The following RAD51C variants were observed in gnomAD, a reference collection of about 807,000 sequenced individuals.
RAD51C encodes RAD51 paralog C.
Under a neutral mutation model 45.0 loss-of-function variants are expected in RAD51C, and 42 were observed. The observed-to-expected ratio is 0.93, with a 90% CI of 0.73 to 1.21. The LOEUF is 1.21. RAD51C is among the 50% of genes most tolerant of loss of function. The probability of loss-of-function intolerance (pLI) is 0.00; values close to 1 mark genes in which losing one functional copy is unlikely to be tolerated. For missense variants in RAD51C, 474 were observed against 452.2 expected, an observed-to-expected ratio of 1.05 and a Z score of -0.44; for synonymous variants, 172 against 159.8, an observed-to-expected ratio of 1.08 and a Z score of -0.58.
At chr17:58,726,039 A>G (rs2049109997) in intron 7 of RAD51C, among the ~76,000 whole-genome samples, 2 of 151,330 alleles carry the variant, frequency 1.3e-5, no homozygotes, top group Admixed American at 1.3e-4. Flanking sequence ...GTACAACACC[A>G]ACACTGAATA....
At chr17:58,698,712 G>A (rs2048106646) in intron 3 of RAD51C, among the ~76,000 whole-genome samples, 1 of 151,352 alleles carries the variant, frequency 6.6e-6, no homozygotes, top group Non-Finnish European at 1.5e-5. Flanking sequence ...GGCCGAGGCG[G>A]GCGGATCACC....
intron 5 of RAD51C, among the ~76,000 whole-genome samples, chr17:58,711,072 G>A (rs1056066497): frequency 3.3e-5 from 5 of 152,116 alleles, no homozygotes; most frequent in African/African-American, 9.7e-5. Flanking sequence ...ATGCTGAAAA[G>A]CATAGTGCCC....
intron 4 of RAD51C, among the ~76,000 whole-genome samples, chr17:58,704,425 A>G (rs1567795298): frequency 6.7e-6 from 1 of 150,058 alleles, no homozygotes; most frequent in African/African-American, 2.4e-5. Context: ...GGCATGCGCC[A>G]CAACGCCTGG....
At chr17:58,702,810 C>A (rs2048254769) in intron 3 of RAD51C, among the ~76,000 whole-genome samples, 1 of 152,070 alleles carries the variant, frequency 6.6e-6, no homozygotes, top group Non-Finnish European at 1.5e-5. Context: ...TTGCAGCGAG[C>A]TATGATTGTG....
In RAD51C at chr17:58,692,894, T is replaced by C. The variant is rs543872977; in HGVS notation, c.145+106T>C. On this transcript the variant is annotated intron_variant, in intron 1 of 8. Transcript: ENST00000337432. ...CAGCCCAGTCTCCGTTAGATTCTGCTTCCTCCCACGTCCATGTTTACAGCG... is the reference window on the plus strand; with the variant it reads ...CAGCCCAGTCTCCGTTAGATTCTGCCTCCTCCCACGTCCATGTTTACAGCG... The C allele has an allele frequency of 2.6e-6, 4 of 1,524,238 alleles. No homozygotes were observed. In the Admixed American group the frequency reaches 5.1e-5, roughly 20 times the overall value. 94.4% of individuals were successfully genotyped at this position (1,524,238 alleles called of 1,614,324 possible).
intron 7 of RAD51C, 61 bp downstream of exon 7, chr17:58,724,161 T>C: frequency 6.7e-7 from 1 of 1,496,084 alleles, no homozygotes; most frequent in Non-Finnish European, 9.3e-7. Context: ...AATGAACACT[T>C]ACAGGTTTCT....
intron 3 of RAD51C, among the ~76,000 whole-genome samples, chr17:58,700,705 G>T (rs767705227): frequency 1.3e-5 from 2 of 152,090 alleles, no homozygotes; most frequent in Non-Finnish European, 1.5e-5. Flanking sequence ...CTCCCAAAGC[G>T]CTGGGATTAC....
At chr17:58,708,089 A>C (rs2048433038) in intron 4 of RAD51C, among the ~76,000 whole-genome samples, 2 of 152,164 alleles carry the variant, frequency 1.3e-5, no homozygotes, top group African/African-American at 4.8e-5. Context: ...TCATGTGTGG[A>C]GTCATGAAAA....
intron 2 of RAD51C, 67 bp downstream of exon 2, chr17:58,695,256 T>G (rs748017037): frequency 5.2e-6 from 8 of 1,530,286 alleles, no homozygotes; most frequent in Non-Finnish European, 6.1e-6. Context: ...TATTTTGTAC[T>G]ATCGTCAGGA....
chr17:58,725,097 C>T (rs304271), intron 7 of RAD51C, among the ~76,000 whole-genome samples: 36,406 of 152,030 alleles, frequency 0.24, 5,263 homozygotes, highest in Middle Eastern at 0.41. Flanking sequence ...ATGGTATTTG[C>T]AAAGAGCTCA....
chr17:58,732,608 A>ATATAATCTCTC, intron 8 of RAD51C, 64 bp downstream of exon 8: 1 of 1,494,092 alleles, frequency 6.7e-7, no homozygotes, highest in Non-Finnish European at 9.3e-7. Context: ...TAAAGAGAGA[A>ATATAATCTCTC]TTTACAACTT....
chr17:58,706,555 A>G (rs1477247377), intron 4 of RAD51C: 1 of 463,752 alleles, frequency 2.2e-6, no homozygotes, highest in East Asian at 7.0e-5. Flanking sequence ...TCTCTCTGCA[A>G]GGGCCCCACC....
At chr17:58,726,403 GTA>G (rs200957536) in intron 7 of RAD51C, among the ~76,000 whole-genome samples, 2 of 143,196 alleles carry the variant, frequency 1.4e-5, no homozygotes, top group African/African-American at 5.3e-5. Flanking sequence ...GTATATATGT[GTA>G]TATATATAGA....
chr17:58,717,467 G>A (rs1422425076), intron 5 of RAD51C, among the ~76,000 whole-genome samples: 1 of 150,356 alleles, frequency 6.7e-6, no homozygotes, highest in Non-Finnish European at 1.5e-5. Context: ...GGCCGGGTGT[G>A]GTGGCTCATG....
rs1173077552 is a variant in RAD51C, at chr17:58,709,837, ATAT to A, written c.706-18_706-16del. The A allele has an allele frequency of 6.3e-7, 1 of 1,589,968 alleles. No individual in the cohort carries two copies. Among genetic ancestry groups the A allele is most frequent in the Middle Eastern group, 1.7e-4 (1 of 6,010 alleles). On this transcript the variant is annotated intron_variant, in intron 4 of 8. Coordinates refer to ENST00000337432, the MANE Select transcript of RAD51C (RefSeq NM_058216.3). ...TATTTTATTTTTCGTAACAAATCTA[ATAT>A]TATCTCTTCTGTATTTAGGTTCGAC...
chr17:58,698,714 C>T (rs886778945), intron 3 of RAD51C, among the ~76,000 whole-genome samples: 5 of 151,152 alleles, frequency 3.3e-5, no homozygotes, highest in Admixed American at 6.6e-5. Flanking sequence ...CCGAGGCGGG[C>T]GGATCACCTG....
chr17:58,707,059 C>T (rs900856798), intron 4 of RAD51C, among the ~76,000 whole-genome samples: 2 of 152,160 alleles, frequency 1.3e-5, no homozygotes, highest in African/African-American at 4.8e-5. Flanking sequence ...CAAGCCACTT[C>T]CTCTACACTT....
Position 58,710,390 on chromosome 17 carries a change from C to T in RAD51C, c.837+400C>T, listed in dbSNP as rs186859915. Among the ~76,000 whole-genome samples the T allele has an allele frequency of 3.7e-4, 55 of 146,856 alleles. 1 individual carries two copies. The highest frequency in any genetic ancestry group is 6.8e-4 in the Non-Finnish European group (46 of 67,256). ...GCATGCCCCTGTAATCCCACCTACT[C>T]GGGAGGCTGAGGTAGGAGAATCACT... On this transcript the variant is annotated intron_variant, in intron 5 of 8. Coordinates refer to ENST00000337432, the MANE Select transcript of RAD51C (RefSeq NM_058216.3).
intron 5 of RAD51C, among the ~76,000 whole-genome samples, chr17:58,710,200 G>T (rs2048508160): frequency 6.6e-6 from 1 of 151,654 alleles, no homozygotes; most frequent in African/African-American, 2.4e-5. Flanking sequence ...TGGACTTTGT[G>T]GTTGAGCGCG....
Sources: gnomAD v4.1 joint callset for allele counts (sites outside exome capture counted in the v4.1 genomes callset) on GRCh38, gnomAD v4.1.1 for gene constraint, MANE v1.5 for transcripts, NCBI Gene and HGNC (gene_info 2026-07-23, HGNC 2026-07-21) for gene names.